The following CLU variants were observed in gnomAD, a reference collection of about 807,000 sequenced individuals.
CLU encodes the protein clusterin, also known as aging-associated protein 4.
CLU carries 25 observed loss-of-function variants against 46.4 expected under a neutral mutation model. The ratio of observed to expected loss-of-function variants is 0.54; its 90% CI spans 0.39 to 0.75. The LOEUF is 0.75. Among genes scored for constraint, CLU ranks in the 30% least tolerant of loss-of-function variants. The probability of loss-of-function intolerance (pLI) is 0.00; values close to 1 mark genes in which losing one functional copy is unlikely to be tolerated. For missense variants in CLU, 504 were observed against 592.1 expected (o/e 0.85, Z 1.54); for synonymous variants, 235 against 235.1 (o/e 1.00, Z 0.00).
At chr8:27,604,054 T>A (rs781202560) in intron 6 of CLU, among the ~76,000 whole-genome samples, 15 of 152,146 alleles carry the variant, frequency 9.9e-5, no homozygotes, top group Non-Finnish European at 2.2e-4. Context: ...CACTTTTGCA[T>A]CTCTAACGAC....
In CLU at chr8:27,608,899, G is replaced by A. The variant is rs200442299; in HGVS notation, c.246+39C>T. 58 of 1,612,170 alleles carry A rather than the reference G, an allele frequency of 3.6e-5. No individual in the cohort carries two copies. The East Asian group carries it at 7.8e-4, about 22-fold the overall frequency. ...TGACCCCCTCCCTCCCCTCCAGTGG[G>A]ATGGTCAAGGCAGGGAGGCGGTAGC... On this transcript the variant is annotated intron_variant, in intron 3 of 8. Coordinates refer to ENST00000316403, the MANE Select transcript of CLU (RefSeq NM_001831.4).
At chr8:27,604,264 C>T (rs540613919) in intron 6 of CLU, 27 bp downstream of exon 6, 61 of 1,579,248 alleles carry the variant, frequency 3.9e-5, no homozygotes, top group East Asian at 2.9e-4. Context: ...TCAGGGGGGA[C>T]GGCTTGTGGT....
intron 1 of CLU, chr8:27,612,067 G>T (rs1217639348): frequency 3.1e-6 from 1 of 327,554 alleles, no homozygotes; most frequent in Non-Finnish European, 6.0e-6. Context: ...TACAGGAAAG[G>T]AATTCCAGAC....
In CLU at chr8:27,597,505, C is replaced by G; in HGVS notation, c.*736G>C. On this transcript the variant is annotated 3_prime_UTR_variant, in exon 9 of 9. Transcript: ENST00000316403. ...TACAACTCGAAATCAACAGCTTTTA[C>G]AAATAAAACCGCTGCAAAAGCAATA... The G allele has an allele frequency of 2.2e-6, 1 of 454,138 alleles. No homozygotes were observed. Among genetic ancestry groups the G allele is most frequent in the Non-Finnish European group, 4.4e-6 (1 of 226,804 alleles). 28.1% of individuals were successfully genotyped at this position (454,138 alleles called of 1,614,324 possible).
Position 27,608,267 on chromosome 8 carries a change from G to C in CLU, c.246+671C>G, listed in dbSNP as rs9331903. 4.3e-4 allele frequency among the ~76,000 whole-genome samples: 66 copies of C among 152,274 alleles called. 1 individual carries two copies. The East Asian group carries it at 9.5e-3, about 22-fold the overall frequency. On this transcript the variant is annotated intron_variant, in intron 3 of 8. Transcript: ENST00000316403. ...CATGGAGTTACACAGGTTTCTTTAC[G>C]GCAGAACTTCTCAGAGCCTTTGAAA...
Position 27,605,332 on chromosome 8 carries a change from C to G in CLU, c.421G>C (p.Glu141Gln), listed in dbSNP as rs1800803152. Residue 141 changes from glutamate to glutamine, a missense_variant, in exon 5 of 9, where the codon GAG (glutamate) becomes CAG (glutamine). Physicochemically the swap from Glu to Gln is conservative, Grantham distance 29 (BLOSUM62 2). Around this residue, in one of 3 missense-constraint regions of CLU, gnomAD observed 428 missense variants for 484.0 expected, o/e 0.88. Coordinates refer to ENST00000316403, the MANE Select transcript of CLU (RefSeq NM_001831.4). ...SGSGLVGRQL[E>Q]EFLNQSSPFY... ...GGCGAGCTCTGGTTCAGGAACTCCT[C>G]AAGCTGGGACAGCCAGCATGGGCAC... 1 of 1,614,154 alleles carries G rather than the reference C, an allele frequency of 6.2e-7. No homozygotes were observed. The highest frequency in any genetic ancestry group is 8.5e-7 in the Non-Finnish European group (1 of 1,180,024).
intron 5 of CLU, 107 bp from the exon 6 acceptor site, chr8:27,604,502 T>A: frequency 2.1e-6 from 2 of 941,744 alleles, no homozygotes; most frequent in Non-Finnish European, 3.3e-6. Flanking sequence ...AGACAGGGTC[T>A]CACTCTGTTG....
rs772213093 is a variant in CLU at position 27,605,160 on chromosome 8, C to T, written c.593G>A (p.Arg198Gln). The T allele has an allele frequency of 5.6e-6, 9 of 1,614,068 alleles. No individual in the cohort carries two copies. The highest frequency in any genetic ancestry group is 4.0e-5 in the African/African-American group (3 of 74,908). ...DELFQDRFFT[R>Q]EPQDTYHYLP... ...GTAGTGGTAGGTATCCTGGGGCTCC[C>T]GGGTGAAGAACCTGTCCTGGAAGAG... The change falls in exon 5 of 9, where the codon CGG becomes CAG. Residue 198 changes from arginine to glutamine, a missense_variant. This residue lies in a region of CLU where 428 missense variants were observed against 484.0 expected (regional missense o/e 0.88). Coordinates refer to ENST00000316403, the MANE Select transcript of CLU (RefSeq NM_001831.4).
chr8:27,614,430 T>C (rs1183409970), intron 1 of CLU: 1 of 312,218 alleles, frequency 3.2e-6, no homozygotes, highest in African/African-American at 2.3e-5. Flanking sequence ...AGAATTGTGG[T>C]TGGAGCTCGT....
chr8:27,613,574 T>C (rs1243257748), intron 1 of CLU: 1 of 152,080 alleles, frequency 6.6e-6, no homozygotes, highest in Non-Finnish European at 1.5e-5. Context: ...AGAAAAATAA[T>C]CACCGGTAAT....
Position 27,605,030 on chromosome 8 carries a change from G to T in CLU, c.723C>A (p.His241Gln), listed in dbSNP as rs143973192. ...PFSPYEPLNF[H>Q]AMFQPFLEMI... Reference sequence around the variant, plus strand: ...TCTCAAGGAAGGGCTGGAACATGGCGTGGAAGTTCAGGGGCTCGTACGGAG... The same window carrying T: ...TCTCAAGGAAGGGCTGGAACATGGCTTGGAAGTTCAGGGGCTCGTACGGAG... Residue 241 changes from histidine (H) to glutamine (Q), a missense_variant, in exon 5 of 9, where the codon CAC (histidine) becomes CAA (glutamine). Physicochemically the swap from His to Gln is conservative, Grantham distance 24. Around this residue, in one of 3 missense-constraint regions of CLU, gnomAD observed 428 missense variants for 484.0 expected, o/e 0.88. Transcript: ENST00000316403. The T allele has an allele frequency of 6.2e-7, 1 of 1,614,122 alleles. No individual in the cohort carries two copies. The highest frequency in any genetic ancestry group is 8.5e-7 in the Non-Finnish European group (1 of 1,180,028).
intron 6 of CLU, among the ~76,000 whole-genome samples, chr8:27,603,407 G>T (rs1800757159): frequency 6.6e-6 from 1 of 152,180 alleles, no homozygotes; most frequent in African/African-American, 2.4e-5. Flanking sequence ...GGCCTGCCAT[G>T]GCAAACTCAA....
rs1301730899 is a variant in CLU, at chr8:27,597,633, C to T, written c.*608G>A. 8.8e-6 allele frequency: 4 copies of T among 454,042 alleles called. No individual in the cohort carries two copies. The highest frequency in any genetic ancestry group is 1.8e-5 in the Non-Finnish European group (4 of 226,820). The allele number at this position is 454,042 out of a possible 1,614,324, so 28.1% of individuals were successfully genotyped here. On this transcript the variant is annotated 3_prime_UTR_variant, in exon 9 of 9. Transcript: ENST00000316403. ...TAATACCAAGTACACCTTACACTTA[C>T]TGATTCTTCTCCTTAACTTTCAGTG...
rs1295522870 is a variant in CLU, at chr8:27,599,863, G to T, written c.1081C>A (p.Gln361Lys). 5 of 1,614,058 alleles carry T rather than the reference G, an allele frequency of 3.1e-6. No individual in the cohort carries two copies. Among genetic ancestry groups the T allele is most frequent in the Non-Finnish European group, 4.2e-6 (5 of 1,180,024 alleles). ...KMLNTSSLLEQLNEQFNWVSR... is the reference protein window; with the variant it reads ...KMLNTSSLLEKLNEQFNWVSR... ...ACCCAGTTAAACTGCTCGTTCAGCTGCTCCAGCAAGGAGGAGGTGTTGAGC... is the reference window on the plus strand; with the variant it reads ...ACCCAGTTAAACTGCTCGTTCAGCTTCTCCAGCAAGGAGGAGGTGTTGAGC... The change falls in exon 7 of 9, where the codon CAG becomes AAG. Residue 361 changes from glutamine to lysine, a missense_variant. By Grantham distance (53) the Gln-to-Lys change is moderately conservative (BLOSUM62 1). Coordinates refer to ENST00000316403, the MANE Select transcript of CLU (RefSeq NM_001831.4). This position sits in a 1 kb window ranked among gnomAD's most constrained non-coding sequence, Gnocchi z 4.0.
At chr8:27,602,021 G>A (rs1278549095) in intron 6 of CLU, among the ~76,000 whole-genome samples, 1 of 152,150 alleles carries the variant, frequency 6.6e-6, no homozygotes, top group African/African-American at 2.4e-5. Context: ...AACCCAGGAA[G>A]CAGAGGTTGC....
rs752067802 is a variant in CLU at position 27,606,338 on chromosome 8, T to C, written c.417+16A>G. On this transcript the variant is annotated intron_variant, in intron 4 of 8. Transcript: ENST00000316403. ...CCCCACTCAGAGCCTTGGCCACTCA[T>C]GTGTCCCCTTTTCACCTGGCGGCCA... The C allele has an allele frequency of 1.3e-5, 21 of 1,613,606 alleles. No homozygotes were observed. In the South Asian group the frequency reaches 1.9e-4, roughly 14 times the overall value.
chr8:27,609,220 A>G (rs1244399250), intron 2 of CLU, 134 bp from the exon 3 acceptor site: 1 of 935,506 alleles, frequency 1.1e-6, no homozygotes, highest in Non-Finnish European at 1.7e-6. Context: ...TCCTGCCAGC[A>G]GGCAGCAGCA....
In CLU at chr8:27,609,025, C is replaced by A; in HGVS notation, c.159G>T (p.Val53=). The A allele has an allele frequency of 6.2e-7, 1 of 1,614,168 alleles. No individual in the cohort carries two copies. The highest frequency in any genetic ancestry group is 1.1e-5 in the South Asian group (1 of 91,090). The part of the protein sequence containing the change: ...NKEIQNAVNG[V]KQIKTLIEKT... Reference sequence around the variant, plus strand: ...TTTCTATGAGAGTCTTTATCTGTTTCACCCCGTTGACAGCATTTTGAATTT... The same window carrying A: ...TTTCTATGAGAGTCTTTATCTGTTTAACCCCGTTGACAGCATTTTGAATTT... Residue 53 remains valine (V), a synonymous_variant, in exon 3 of 9, where the codon GTG becomes GTT. Coordinates refer to ENST00000316403, the MANE Select transcript of CLU (RefSeq NM_001831.4).
rs1211738946 is a variant in CLU, at chr8:27,597,503, TAC to T, written c.*736_*737del. The T allele has an allele frequency of 7.9e-5, 36 of 454,222 alleles. No homozygotes were observed. The Admixed American group carries it at 8.0e-4, about 10-fold the overall frequency. 28.1% of individuals were successfully genotyped at this position (454,222 alleles called of 1,614,324 possible). On this transcript the variant is annotated 3_prime_UTR_variant, in exon 9 of 9. Transcript: ENST00000316403. ...CTTACAACTCGAAATCAACAGCTTT[TAC>T]AAATAAAACCGCTGCAAAAGCAATA...
Sources: allele counts gnomAD v4.1 joint callset (sites outside exome capture counted in the v4.1 genomes callset), GRCh38; gene constraint gnomAD v4.1.1; regional missense constraint gnomAD v4.1.1; non-coding constraint Gnocchi (gnomAD v3.1); transcripts MANE v1.5; gene names NCBI Gene and HGNC (gene_info 2026-07-23, HGNC 2026-07-21).